The following CTXN2 variants were observed in gnomAD, a reference collection of about 807,000 sequenced individuals.
CTXN2 encodes the protein cortexin-2.
CTXN2 carries 3 observed loss-of-function variants against 5.7 expected under a neutral mutation model. The ratio of observed to expected loss-of-function variants is 0.53; its 90% confidence interval spans 0.24 to 1.36. The LOEUF is 1.36. Among genes scored for constraint, CTXN2 ranks in the 40% most tolerant of loss-of-function variants. The probability of loss-of-function intolerance (pLI) is 0.17; values close to 1 mark genes in which losing one functional copy is unlikely to be tolerated. For synonymous variants in CTXN2, 38 were observed against 36.4 expected (o/e 1.04, Z -0.16); for missense variants, 87 against 93.0 (o/e 0.94, Z 0.26).
At chr15:48,200,153 C>T (rs565748421) in intron 1 of CTXN2, among the ~76,000 whole-genome samples, 1 of 152,078 alleles carries the variant, frequency 6.6e-6, no homozygotes, top group South Asian at 2.1e-4. Context: ...AATTTTAATA[C>T]ATATAAGTCT....
At chr15:48,184,913 A>G (rs7163322) in intron 1 of CTXN2, among the ~76,000 whole-genome samples, 151,389 of 152,292 alleles carry the variant, frequency 0.99, 75,253 homozygotes, top group Middle Eastern at 1. Context: ...TTCAACAGAT[A>G]TATAGATAAA....
At chr15:48,201,190 C>G in intron 1 of CTXN2, 54 bp from the exon 2 acceptor site, 1 of 1,091,090 alleles carries the variant, frequency 9.2e-7, no homozygotes, top group Non-Finnish European at 1.3e-6. Flanking sequence ...TAAGCAACAA[C>G]CTACCCAATA....
chr15:48,197,857 CT>C (rs1223652625), intron 1 of CTXN2, among the ~76,000 whole-genome samples: 1 of 152,094 alleles, frequency 6.6e-6, no homozygotes, highest in Non-Finnish European at 1.5e-5. Flanking sequence ...TCTACTCATT[CT>C]TTATGCCCTT....
chr15:48,196,523 C>T (rs1488887525), intron 1 of CTXN2, among the ~76,000 whole-genome samples: 3 of 152,076 alleles, frequency 2.0e-5, no homozygotes, highest in African/African-American at 7.2e-5. Context: ...TAGGGTAGTT[C>T]AGATCTATGA....
chr15:48,197,967 A>G (rs1377344060), intron 1 of CTXN2, among the ~76,000 whole-genome samples: 4 of 152,140 alleles, frequency 2.6e-5, no homozygotes, highest in African/African-American at 9.6e-5. Context: ...AGAAGGAGTA[A>G]TTATACCAGA....
intron 1 of CTXN2, among the ~76,000 whole-genome samples, chr15:48,193,175 A>C (rs2040840834): frequency 6.6e-6 from 1 of 152,132 alleles, no homozygotes; most frequent in Admixed American, 6.5e-5. Context: ...ATGACTCATC[A>C]GTACTTAGAA....
At chr15:48,181,022 G>A (rs1397251090) in intron 1 of CTXN2, among the ~76,000 whole-genome samples, 1 of 152,134 alleles carries the variant, frequency 6.6e-6, no homozygotes, top group African/African-American at 2.4e-5. Flanking sequence ...TGTGTACCTG[G>A]CGGGATAGGG....
At chr15:48,180,224 G>T (rs191739172) in intron 1 of CTXN2, among the ~76,000 whole-genome samples, 1 of 152,046 alleles carries the variant, frequency 6.6e-6, no homozygotes, top group African/African-American at 2.4e-5. Flanking sequence ...TGCCTCACCC[G>T]CTGTAGCTTG....
intron 1 of CTXN2, among the ~76,000 whole-genome samples, chr15:48,184,932 G>A (rs1336156172): frequency 2.0e-5 from 3 of 152,000 alleles, no homozygotes; most frequent in Non-Finnish European, 4.4e-5. Context: ...AATAAACTGT[G>A]GCATATCCAT....
chr15:48,197,475 C>T (rs2040890540), intron 1 of CTXN2, among the ~76,000 whole-genome samples: 1 of 152,010 alleles, frequency 6.6e-6, no homozygotes, highest in Admixed American at 6.6e-5. Flanking sequence ...TCTGTCTTCA[C>T]CACTGGATGT....
chr15:48,184,971 A>G (rs953335345), intron 1 of CTXN2, among the ~76,000 whole-genome samples: 30 of 152,216 alleles, frequency 2.0e-4, no homozygotes, highest in Non-Finnish European at 3.4e-4. Flanking sequence ...ACAATAAAAA[A>G]TAAATGAGCT....
intron 1 of CTXN2, among the ~76,000 whole-genome samples, chr15:48,193,212 A>AG (rs990578376): frequency 3.7e-4 from 57 of 152,276 alleles, no homozygotes; most frequent in African/African-American, 1.3e-3. Context: ...ATTGCCATGA[A>AG]GGAAATGTAC....
chr15:48,180,992 T>G (rs1192841998), intron 1 of CTXN2, among the ~76,000 whole-genome samples: 1 of 152,216 alleles, frequency 6.6e-6, no homozygotes, highest in African/African-American at 2.4e-5. Context: ...TTCTTACAAA[T>G]TAGAATGCAT....
chr15:48,181,272 C>T (rs1288195832), intron 1 of CTXN2, among the ~76,000 whole-genome samples: 1 of 152,232 alleles, frequency 6.6e-6, no homozygotes, highest in Non-Finnish European at 1.5e-5. Context: ...TTCCTGCTAC[C>T]TTAATCTTTC....
At chr15:48,189,748 C>A (rs961190774), upstream of CTXN2, among the ~76,000 whole-genome samples, 4 of 152,204 alleles carry the variant, frequency 2.6e-5, no homozygotes, top group Non-Finnish European at 5.9e-5. Context: ...TCCTTTCCCA[C>A]AATCTATGAC....
chr15:48,195,044 T>G (rs1285228888), intron 1 of CTXN2, among the ~76,000 whole-genome samples: 1 of 152,196 alleles, frequency 6.6e-6, no homozygotes, highest in East Asian at 1.9e-4. Context: ...TGGATAAATT[T>G]ATTGAAAGCT....
chr15:48,186,904 C>T (rs1248901084), upstream of CTXN2, among the ~76,000 whole-genome samples: 6 of 121,122 alleles, frequency 5.0e-5, no homozygotes, highest in African/African-American at 1.9e-4. Flanking sequence ...AGGGAGACTC[C>T]ATCTCAAAAA....
intron 1 of CTXN2, among the ~76,000 whole-genome samples, chr15:48,192,948 A>C (rs1354961211): frequency 6.6e-6 from 1 of 152,210 alleles, no homozygotes; most frequent in Non-Finnish European, 1.5e-5. Context: ...GTTATTTCAC[A>C]GAAGACATAA....
Position 48,201,590 on chromosome 15 carries a change from A to G in CTXN2, c.*44A>G. 6.5e-7 allele frequency: 1 copy of G among 1,541,546 alleles called. No homozygotes were observed. The highest frequency in any genetic ancestry group is 8.8e-7 in the Non-Finnish European group (1 of 1,140,080). On this transcript the variant is annotated 3_prime_UTR_variant, in exon 2 of 2. Transcript: ENST00000417307. The stretch of plus-strand genomic sequence containing the variant: ...TTTTATGGTTGTGCCATCGGGACAC[A>G]TTCTGGATACAATTGTAACTACCTT...
Sources: gnomAD v4.1 joint callset for allele counts (sites outside exome capture counted in the v4.1 genomes callset) on GRCh38, gnomAD v4.1.1 for gene constraint, MANE v1.5 for transcripts, NCBI Gene and HGNC (gene_info 2026-07-23, HGNC 2026-07-21) for gene names.